Variants in GALNT5 observed in about 807,000 individuals in gnomAD.
The protein encoded by GALNT5 is polypeptide N-acetylgalactosaminyltransferase 5.
A neutral mutation model predicts 85.4 loss-of-function variants in GALNT5; 72 were observed. The observed-to-expected ratio is 0.84, with a 90% confidence interval of 0.70 to 1.03. GALNT5 has a LOEUF of 1.03. GALNT5 is among the 50% of genes least tolerant of loss of function. GALNT5 has a pLI of 0.00. For missense variants in GALNT5, 1,137 were observed against 1,135.5 expected, an observed-to-expected ratio of 1.00 and a Z score of -0.02; for synonymous variants, 404 against 397.0, an observed-to-expected ratio of 1.02 and a Z score of -0.21.
intron 5 of GALNT5, 41 bp from the exon 6 acceptor site, chr2:157,299,507 C>T: frequency 1.7e-6 from 2 of 1,175,394 alleles, no homozygotes; most frequent in South Asian, 1.2e-5. Flanking sequence ...GTCGAGCTTT[C>T]ATGAGATGCA....
chr2:157,284,559 C>T (rs714648), intron 2 of GALNT5, 111 bp downstream of exon 2: 63,516 of 772,454 alleles, frequency 0.082, 7,385 homozygotes, highest in African/African-American at 0.44. Flanking sequence ...GCATAAACAT[C>T]GTACAAATGC....
chr2:157,277,271 T>C (rs112486085), intron 1 of GALNT5, among the ~76,000 whole-genome samples: 19,630 of 152,212 alleles, frequency 0.13, 3,622 homozygotes, highest in African/African-American at 0.41. Context: ...ATAAGTGCGA[T>C]GTGGTGCTAA....
At chr2:157,300,379 A>C (rs145291958) in intron 6 of GALNT5, among the ~76,000 whole-genome samples, 1 of 152,180 alleles carries the variant, frequency 6.6e-6, no homozygotes, top group Non-Finnish European at 1.5e-5. Flanking sequence ...TGATTCAATC[A>C]AAACAAGAAC....
chr2:157,266,933 C>T (rs189276698), intron 1 of GALNT5, among the ~76,000 whole-genome samples: 15 of 152,252 alleles, frequency 9.9e-5, no homozygotes, highest in African/African-American at 3.1e-4. Flanking sequence ...AAAGCATTTC[C>T]TATATAGCAC....
At chr2:157,311,057 G>T in intron 9 of GALNT5, 151 bp from the exon 10 acceptor site, 1 of 658,338 alleles carries the variant, frequency 1.5e-6, no homozygotes, top group South Asian at 1.7e-5. Context: ...ACTTTTCAAA[G>T]TCTGTGTTTA....
At chr2:157,299,946 G>A (rs951875062) in intron 6 of GALNT5, among the ~76,000 whole-genome samples, 13 of 152,176 alleles carry the variant, frequency 8.5e-5, no homozygotes, top group African/African-American at 3.1e-4. Context: ...TGCTGTGGGA[G>A]TCATACGTGC....
rs117296515 is a variant in GALNT5 at position 157,297,625 on chromosome 2, C to T, written c.1997+1112C>T. On this transcript the variant is annotated intron_variant, in intron 5 of 9. Coordinates refer to ENST00000259056, the MANE Select transcript of GALNT5 (RefSeq NM_014568.3). ...GACTATATTCAACATAATGTTAGGA[C>T]GAGAATGCGTTCTGGATAGTCTAGT... Among the ~76,000 whole-genome samples, 11 of 152,160 alleles carry T rather than the reference C, an allele frequency of 7.2e-5. No individual in the cohort carries two copies. The East Asian group carries it at 2.1e-3, about 29-fold the overall frequency.
intron 1 of GALNT5, among the ~76,000 whole-genome samples, chr2:157,261,020 C>T (rs1316130385): frequency 6.6e-6 from 1 of 152,206 alleles, no homozygotes; most frequent in Non-Finnish European, 1.5e-5. Context: ...TTATTCTGCA[C>T]TCTCTTCCAT....
In GALNT5 at chr2:157,315,502, C is replaced by G. The variant is rs904647133; in HGVS notation, c.*4154C>G. Among the ~76,000 whole-genome samples, 4 of 152,088 alleles carry G rather than the reference C, an allele frequency of 2.6e-5. No individual in the cohort carries two copies. Among genetic ancestry groups the G allele is most frequent in the African/African-American group, 9.7e-5 (4 of 41,408 alleles). ...TCTTGGTCTCAGATTACTGATGCCACAGTATTGAGATGAGATTGAATTAAA... is the reference window on the plus strand; with the variant it reads ...TCTTGGTCTCAGATTACTGATGCCAGAGTATTGAGATGAGATTGAATTAAA... On this transcript the variant is annotated 3_prime_UTR_variant, in exon 10 of 10. Transcript: ENST00000259056.
rs768981861 is a variant in GALNT5, at chr2:157,258,170, A to G, written c.88A>G (p.Met30Val). The G allele has an allele frequency of 1.2e-6, 2 of 1,613,906 alleles. No homozygotes were observed. Among genetic ancestry groups the G allele is most frequent in the East Asian group, 2.2e-5 (1 of 44,874 alleles). Residue 30 changes from methionine (M) to valine (V), a missense_variant, in exon 1 of 10, where the codon ATG (methionine) becomes GTG (valine). Physicochemically the swap from Met to Val is conservative, Grantham distance 21. Transcript: ENST00000259056. Reference protein sequence around the residue: ...VASVIWLLFDMAALRLSFSEI... With the variant: ...VASVIWLLFDVAALRLSFSEI... ...TTCTGTCATCTGGCTCCTCTTTGAC[A>G]TGGCAGCTCTCCGCCTCTCATTCAG...
rs943465078 is a variant in GALNT5, at chr2:157,318,153, CT to C, written c.*6806del. On this transcript the variant is annotated 3_prime_UTR_variant, in exon 10 of 10. Coordinates refer to ENST00000259056, the MANE Select transcript of GALNT5 (RefSeq NM_014568.3). ...TGGTGCTTTATCCTTCTCCATAATT[CT>C]CTATTATTACTTATTTTAAATGTTT... Among the ~76,000 whole-genome samples the C allele has an allele frequency of 4.6e-4, 70 of 151,892 alleles. No homozygotes were observed. Among genetic ancestry groups the C allele is most frequent in the African/African-American group, 1.6e-3 (68 of 41,424 alleles).
rs549006243 is a variant in GALNT5 at position 157,314,392 on chromosome 2, G to A, written c.*3044G>A. 6.6e-6 allele frequency among the ~76,000 whole-genome samples: 1 copy of A among 152,214 alleles called. No homozygotes were observed. Among genetic ancestry groups the A allele is most frequent in the South Asian group, 2.1e-4 (1 of 4,818 alleles). ...GCGCTTCTGCCCTACTCTCTTGTAAGCTGACACAGTTGTTGTTGGTACAAT... is the reference window on the plus strand; with the variant it reads ...GCGCTTCTGCCCTACTCTCTTGTAAACTGACACAGTTGTTGTTGGTACAAT... On this transcript the variant is annotated 3_prime_UTR_variant, in exon 10 of 10. Transcript: ENST00000259056.
chr2:157,295,275 C>G (rs1349715033), intron 3 of GALNT5, among the ~76,000 whole-genome samples: 1 of 152,112 alleles, frequency 6.6e-6, no homozygotes, highest in African/African-American at 2.4e-5. Flanking sequence ...ATTCCTAAGG[C>G]CAAACTTGTC....
rs556836003 is a variant in GALNT5 at position 157,312,309 on chromosome 2, T to C, written c.*961T>C. On this transcript the variant is annotated 3_prime_UTR_variant, in exon 10 of 10. Transcript: ENST00000259056. ...TTAGATATAGTAGCATTCACAGGGA[T>C]GAAATATGCGAAAAATGGGTTCTAA... is the stretch of plus-strand genomic sequence containing the variant. 1 of 152,016 alleles carries C rather than the reference T, an allele frequency of 6.6e-6. No individual in the cohort carries two copies. Among genetic ancestry groups the C allele is most frequent in the African/African-American group, 2.4e-5 (1 of 41,476 alleles). The allele number at this position is 152,016 out of a possible 1,614,324, so 9.4% of individuals were successfully genotyped here.
Position 157,258,209 on chromosome 2 carries a change from C to G in GALNT5, c.127C>G (p.Arg43Gly), listed in dbSNP as rs763869457. The G allele has an allele frequency of 1.2e-6, 2 of 1,613,744 alleles. No individual in the cohort carries two copies. Among genetic ancestry groups the G allele is most frequent in the South Asian group, 2.2e-5 (2 of 91,048 alleles). ...CCTCTCATTCAGTGAGATCAACACTCGGGTCATCAAGGAAGACATTGTGAG... is the reference window on the plus strand; with the variant it reads ...CCTCTCATTCAGTGAGATCAACACTGGGGTCATCAAGGAAGACATTGTGAG... ...LRLSFSEINT[R>G]VIKEDIVRRE... The change falls in exon 1 of 10, where the codon CGG becomes GGG. Residue 43 changes from arginine to glycine, a missense_variant. By Grantham distance (125) the Arg-to-Gly change is moderately radical. Coordinates refer to ENST00000259056, the MANE Select transcript of GALNT5 (RefSeq NM_014568.3).
intron 4 of GALNT5, 88 bp downstream of exon 4, chr2:157,295,886 G>T: frequency 1.3e-5 from 12 of 945,958 alleles, no homozygotes; most frequent in Non-Finnish European, 1.8e-5. Context: ...TAATATGTGT[G>T]TTTTTTCAAA....
intron 7 of GALNT5, among the ~76,000 whole-genome samples, chr2:157,304,168 T>C (rs1198399011): frequency 6.6e-6 from 1 of 152,232 alleles, no homozygotes; most frequent in African/African-American, 2.4e-5. Context: ...TTCATGTCTT[T>C]CTATTCACCT....
intron 1 of GALNT5, among the ~76,000 whole-genome samples, chr2:157,267,944 A>G (rs576404423): frequency 5.9e-5 from 9 of 152,250 alleles, no homozygotes; most frequent in South Asian, 4.1e-4. Flanking sequence ...CAGCCCCAAC[A>G]ATTCTAAGGT....
At chr2:157,260,854 C>T (rs182175869) in intron 1 of GALNT5, among the ~76,000 whole-genome samples, 209 of 152,324 alleles carry the variant, frequency 1.4e-3, no homozygotes, top group Non-Finnish European at 2.5e-3. Context: ...ATACCAAGCA[C>T]TGTGCCATTC....
Sources: gnomAD v4.1 joint callset for allele counts (sites outside exome capture counted in the v4.1 genomes callset) on GRCh38, gnomAD v4.1.1 for gene constraint, MANE v1.5 for transcripts, NCBI Gene and HGNC (gene_info 2026-07-23, HGNC 2026-07-21) for gene names.